The following ZMYND11 variants were observed in gnomAD, a reference collection of about 807,000 sequenced individuals.
The protein encoded by ZMYND11 is zinc finger MYND-type containing 11, also known as zinc finger MYND domain-containing protein 11.
Under a neutral mutation model 84.9 loss-of-function variants are expected in ZMYND11, and 9 were observed. The ratio of observed to expected loss-of-function variants is 0.11; its 90% CI spans 0.06 to 0.18. ZMYND11 has a LOEUF of 0.18. Among genes scored for constraint, ZMYND11 ranks in the 10% least tolerant of loss-of-function variants. ZMYND11 has a pLI of 1.00. For synonymous variants in ZMYND11, 250 were observed against 244.1 expected, an observed-to-expected ratio of 1.02 and a Z score of -0.23; for missense variants, 409 against 761.0, an observed-to-expected ratio of 0.54 and a Z score of 5.44.
chr10:230,861 G>A (rs138359068), intron 4 of ZMYND11, among the ~76,000 whole-genome samples: 2,317 of 152,238 alleles, frequency 0.015, 34 homozygotes, highest in Non-Finnish European at 0.024. Context: ...CAACTGATAC[G>A]TATCGAACGT....
chr10:202,566 G>C (rs2436025), intron 2 of ZMYND11, among the ~76,000 whole-genome samples: 141,260 of 152,086 alleles, frequency 0.93, 65,955 homozygotes, highest in Non-Finnish European at 0.98. Context: ...TCCTTTGTTA[G>C]ATTCTCAAGG....
chr10:158,006 G>A (rs781966377), intron 1 of ZMYND11, among the ~76,000 whole-genome samples: 3 of 152,110 alleles, frequency 2.0e-5, no homozygotes, highest in Non-Finnish European at 4.4e-5. Context: ...GAATGTTTTC[G>A]AGGCTCATCC....
rs1952981014 is a variant in ZMYND11 at position 249,818 on chromosome 10, T to TA, written c.1686+730_1686+731insA. 9.4e-5 allele frequency: 88 copies of TA among 937,112 alleles called. 1 individual carries two copies. The South Asian group carries it at 4.0e-3, about 42-fold the overall frequency. The allele number at this position is 937,112 out of a possible 1,614,324, so 58.0% of individuals were successfully genotyped here. On this transcript the variant is annotated intron_variant, in intron 14 of 14. Coordinates refer to ENST00000381604, the MANE Select transcript of ZMYND11 (RefSeq NM_001370100.5). Reference sequence around the variant, plus strand: ...AATTCTTCATTTTATCAAGCCTATATTATATAAATACACATAAGCTTTTCA... The same window carrying TA: ...AATTCTTCATTTTATCAAGCCTATATATATATAAATACACATAAGCTTTTCA...
At chr10:172,055 C>G (rs1364748360) in intron 1 of ZMYND11, among the ~76,000 whole-genome samples, 1 of 152,194 alleles carries the variant, frequency 6.6e-6, no homozygotes, top group African/African-American at 2.4e-5. Flanking sequence ...GCTGTGTCCT[C>G]ACATGGCAGA....
chr10:188,754 T>G (rs930954443), intron 2 of ZMYND11, among the ~76,000 whole-genome samples: 3 of 152,196 alleles, frequency 2.0e-5, no homozygotes, highest in Non-Finnish European at 4.4e-5. Flanking sequence ...TTTGGACTAT[T>G]ATGACTTGGC....
At chr10:152,668 A>G (rs1554757451) in intron 1 of ZMYND11, among the ~76,000 whole-genome samples, 1 of 152,204 alleles carries the variant, frequency 6.6e-6, no homozygotes, top group Non-Finnish European at 1.5e-5. Flanking sequence ...CAGAAAGTCA[A>G]CAAGGATATC....
At chr10:213,308 G>A (rs1276523744) in intron 3 of ZMYND11, among the ~76,000 whole-genome samples, 7 of 152,124 alleles carry the variant, frequency 4.6e-5, no homozygotes, top group Non-Finnish European at 5.9e-5. Flanking sequence ...TGTTCTGTGG[G>A]CTAATGATTG....
chr10:251,161 T>C (rs1305611293), intron 14 of ZMYND11, among the ~76,000 whole-genome samples: 1 of 152,198 alleles, frequency 6.6e-6, no homozygotes, highest in African/African-American at 2.4e-5. Context: ...GATGTATCCA[T>C]TAAATATATC....
Position 135,572 on chromosome 10 carries a change from C to CGGCGGCGG in ZMYND11, c.-20+27_-20+34dup, listed in dbSNP as rs1173024727. 274 of 148,712 alleles carry CGGCGGCGG rather than the reference C, an allele frequency of 1.8e-3. 2 individuals carry two copies. The highest frequency in any genetic ancestry group is 3.0e-3 in the South Asian group (15 of 4,986). The allele number at this position is 148,712 out of a possible 1,614,324, so 9.2% of individuals were successfully genotyped here. ...CCGGAGCATAATGGTGGGGAAAGCT[C>CGGCGGCGG]GGCGGCGGGGCGGCGGGGCGGGCGG... On this transcript the variant is annotated intron_variant, in intron 1 of 14. Coordinates refer to ENST00000381604, the MANE Select transcript of ZMYND11 (RefSeq NM_001370100.5). This position sits in a 1 kb window ranked among gnomAD's most constrained non-coding sequence, Gnocchi z 5.6.
rs1251728451 is a variant in ZMYND11, at chr10:135,942, C to A, written c.-20+383C>A. ...GCCCTGTGCCCCGCTTTCGGTCAGG[C>A]CTCCTGGGCCCGTGCGCAGTCCGGG... On this transcript the variant is annotated intron_variant, in intron 1 of 14. Transcript: ENST00000381604. This position sits in a 1 kb window ranked among gnomAD's most constrained non-coding sequence, Gnocchi z 5.6. 1.3e-5 allele frequency among the ~76,000 whole-genome samples: 2 copies of A among 151,608 alleles called. No homozygotes were observed. The highest frequency in any genetic ancestry group is 2.9e-5 in the Non-Finnish European group (2 of 67,854).
chr10:211,151 C>T (rs192643654), intron 3 of ZMYND11, among the ~76,000 whole-genome samples: 27 of 151,638 alleles, frequency 1.8e-4, no homozygotes, highest in Admixed American at 7.9e-4. Context: ...ATGGTCATGC[C>T]GCTGCTGTAC....
At chr10:172,141 C>T (rs1421046948) in intron 1 of ZMYND11, among the ~76,000 whole-genome samples, 1 of 152,156 alleles carries the variant, frequency 6.6e-6, no homozygotes, top group Non-Finnish European at 1.5e-5. Flanking sequence ...GGCAGAGCCC[C>T]CATGGCCCAA....
At chr10:150,333 A>C (rs1216787063) in intron 1 of ZMYND11, among the ~76,000 whole-genome samples, 5 of 152,114 alleles carry the variant, frequency 3.3e-5, no homozygotes, top group African/African-American at 1.2e-4. Flanking sequence ...TTCCTGGTTT[A>C]GTCTTGGGCG....
chr10:223,032 C>CT (rs11362687), intron 4 of ZMYND11, among the ~76,000 whole-genome samples: 7,490 of 144,128 alleles, frequency 0.052, 294 homozygotes, highest in African/African-American at 0.11. Context: ...TTCCTTTACT[C>CT]TTTTTTTTTT....
intron 2 of ZMYND11, among the ~76,000 whole-genome samples, chr10:188,854 A>C (rs1034417706): frequency 1.3e-5 from 2 of 152,186 alleles, no homozygotes; most frequent in African/African-American, 4.8e-5. Context: ...ACTAGTCTCT[A>C]CTGGCATTGT....
intron 6 of ZMYND11, 76 bp downstream of exon 6, chr10:237,753 A>G: frequency 1.6e-6 from 2 of 1,217,908 alleles, no homozygotes; most frequent in South Asian, 3.1e-5. Context: ...GTAGCAGTTA[A>G]GCAGATTTTG....
At chr10:216,440 G>A (rs1282866379) in intron 3 of ZMYND11, among the ~76,000 whole-genome samples, 1 of 151,950 alleles carries the variant, frequency 6.6e-6, no homozygotes, top group African/African-American at 2.4e-5. Context: ...GATGCCCCTT[G>A]GATACTGTTG....
intron 1 of ZMYND11, among the ~76,000 whole-genome samples, chr10:171,898 C>T (rs1382489756): frequency 6.6e-6 from 1 of 152,194 alleles, no homozygotes; most frequent in Non-Finnish European, 1.5e-5. Flanking sequence ...ATTCCTGCTG[C>T]TGTAACAAAA....
intron 4 of ZMYND11, among the ~76,000 whole-genome samples, chr10:224,413 T>G (rs1266866550): frequency 6.6e-6 from 1 of 152,232 alleles, no homozygotes; most frequent in Non-Finnish European, 1.5e-5. Context: ...ATGGACACAG[T>G]AGATTATTAT....
Sources: gnomAD v4.1 joint callset for allele counts (sites outside exome capture counted in the v4.1 genomes callset) on GRCh38, gnomAD v4.1.1 for gene constraint, Gnocchi (gnomAD v3.1) non-coding constraint, MANE v1.5 for transcripts, NCBI Gene and HGNC (gene_info 2026-07-23, HGNC 2026-07-21) for gene names.